The following SYT1 variants were observed in gnomAD, a reference collection of about 807,000 sequenced individuals.
SYT1 encodes the protein synaptotagmin-1.
SYT1 carries 8 observed loss-of-function variants against 44.8 expected under a neutral mutation model. That is an observed-to-expected ratio of 0.18 (90% CI 0.10 to 0.32). The LOEUF (loss-of-function observed/expected upper bound fraction) is 0.32. Ranked by LOEUF, SYT1 falls within the 10% of genes least tolerant of loss-of-function variation. The pLI is 1.00. For missense variants in SYT1, 286 were observed against 509.3 expected, an observed-to-expected ratio of 0.56 and a Z score of 4.22; for synonymous variants, 154 against 188.8, an observed-to-expected ratio of 0.82 and a Z score of 1.51.
chr12:79,045,076 T>C (rs1219744226), intron 2 of SYT1, among the ~76,000 whole-genome samples: 1 of 152,032 alleles, frequency 6.6e-6, no homozygotes, highest in East Asian at 1.9e-4. Context: ...GTCTTTTTGT[T>C]TGTCTGTGCC....
rs1879615130 is a variant in SYT1, at chr12:79,292,062, G to A, written c.406G>A (p.Glu136Lys). Residue 136 changes from glutamate to lysine, a missense_variant, in exon 6 of 11, where the codon GAA becomes AAA. Physicochemically the swap from Glu to Lys is moderately conservative, Grantham distance 56. Coordinates refer to ENST00000261205, the MANE Select transcript of SYT1 (RefSeq NM_005639.3). ...ATTGACAGATGGAGAAGAAAAAGAA[G>A]AACCCAAAGAAGAGGAGAAACTGGG... ...TGLTDGEEKE[E>K]PKEEEKLGKL... The A allele has an allele frequency of 1.2e-6, 2 of 1,613,916 alleles. No individual in the cohort carries two copies. Among genetic ancestry groups the A allele is most frequent in the Non-Finnish European group, 1.7e-6 (2 of 1,180,004 alleles).
At chr12:79,146,628 A>C (rs1053697258) in intron 3 of SYT1, among the ~76,000 whole-genome samples, 4 of 152,174 alleles carry the variant, frequency 2.6e-5, no homozygotes, top group African/African-American at 4.8e-5. Flanking sequence ...AGACATTAAT[A>C]ATTAAACAAA....
At chr12:79,026,885 C>CA (rs74453652) in intron 2 of SYT1, among the ~76,000 whole-genome samples, 1 of 150,116 alleles carries the variant, frequency 6.7e-6, no homozygotes, top group Non-Finnish European at 1.5e-5. Flanking sequence ...ATGGCTACTA[C>CA]AAAAAAAGAT....
Position 79,360,613 on chromosome 12 carries a change from A to AGCAATAATAT in SYT1, c.928+6999_928+7008dup, listed in dbSNP as rs1164213099. 2.6e-5 allele frequency among the ~76,000 whole-genome samples: 4 copies of AGCAATAATAT among 152,230 alleles called. No homozygotes were observed. The South Asian group carries it at 8.3e-4, about 32-fold the overall frequency. On this transcript the variant is annotated intron_variant, in intron 9 of 10. Coordinates refer to ENST00000261205, the MANE Select transcript of SYT1 (RefSeq NM_005639.3). ...TTAATTGGCCATGATATCAGGGTCA[A>AGCAATAATAT]GCAATAATATGCAAATAAACTGGCA...
At chr12:79,433,140 G>T (rs1869897135) in intron 9 of SYT1, among the ~76,000 whole-genome samples, 1 of 152,090 alleles carries the variant, frequency 6.6e-6, no homozygotes, top group Non-Finnish European at 1.5e-5. Flanking sequence ...ATTCTTAGAT[G>T]GCAGAATGTT....
At chr12:79,325,278 A>G (rs1479494987) in intron 8 of SYT1, among the ~76,000 whole-genome samples, 1 of 152,180 alleles carries the variant, frequency 6.6e-6, no homozygotes, top group East Asian at 1.9e-4. Flanking sequence ...AGTTCCTGGT[A>G]TTTACAGTGT....
intron 2 of SYT1, among the ~76,000 whole-genome samples, chr12:78,979,018 C>T (rs550894698): frequency 3.3e-5 from 5 of 152,260 alleles, no homozygotes; most frequent in African/African-American, 1.2e-4. Context: ...CTATCTCTTG[C>T]AGTAAGATAC....
intron 8 of SYT1, among the ~76,000 whole-genome samples, chr12:79,309,514 T>C (rs533642841): frequency 6.6e-6 from 1 of 152,270 alleles, no homozygotes; most frequent in Admixed American, 6.5e-5. Context: ...AGAGTAAAGT[T>C]TGAGTTAAAA....
intron 3 of SYT1, among the ~76,000 whole-genome samples, chr12:79,153,423 C>T (rs560388166): frequency 2.8e-4 from 42 of 152,106 alleles, no homozygotes; most frequent in Non-Finnish European, 2.1e-4. Context: ...AAAGAAAAAT[C>T]GAGTTACAAT....
intron 3 of SYT1, among the ~76,000 whole-genome samples, chr12:79,151,820 A>T (rs1870290628): frequency 6.6e-6 from 1 of 152,162 alleles, no homozygotes. Flanking sequence ...CATTTGTCCC[A>T]AAAAGTACGA....
intron 2 of SYT1, among the ~76,000 whole-genome samples, chr12:79,003,097 G>A (rs1049601038): frequency 7.9e-5 from 12 of 152,080 alleles, no homozygotes; most frequent in African/African-American, 2.9e-4. Context: ...AGAATCTATA[G>A]GGAGAGTCAG....
chr12:79,153,929 TAC>T (rs1273655255), intron 3 of SYT1, among the ~76,000 whole-genome samples: 2 of 152,126 alleles, frequency 1.3e-5, no homozygotes, highest in Non-Finnish European at 1.5e-5. Context: ...GTCTCTATTT[TAC>T]AGTCAGAGAA....
At chr12:79,443,550 T>C (rs921083922) in intron 9 of SYT1, among the ~76,000 whole-genome samples, 1 of 152,210 alleles carries the variant, frequency 6.6e-6, no homozygotes, top group Non-Finnish European at 1.5e-5. Context: ...TAACAGTGCC[T>C]GTCACATCAT....
At chr12:79,366,697 A>G (rs761839391) in intron 9 of SYT1, among the ~76,000 whole-genome samples, 46 of 152,228 alleles carry the variant, frequency 3.0e-4, no homozygotes, top group Non-Finnish European at 5.6e-4. Flanking sequence ...GTTCATCTAT[A>G]AAACTAGGGT....
chr12:79,111,197 G>A (rs556434096), intron 3 of SYT1, among the ~76,000 whole-genome samples: 1 of 152,192 alleles, frequency 6.6e-6, no homozygotes, highest in African/African-American at 2.4e-5. Flanking sequence ...TAAAGCTGAG[G>A]TGGGGGGCAG....
At chr12:78,995,720 A>G (rs1870330952) in intron 2 of SYT1, 1 of 152,202 alleles carries the variant, frequency 6.6e-6, no homozygotes. Flanking sequence ...AAGGTAGATT[A>G]TGCTGGGAAA....
Position 79,290,368 on chromosome 12 carries a change from A to G in SYT1, c.352-1640A>G, listed in dbSNP as rs181621994. Among the ~76,000 whole-genome samples, 12 of 152,310 alleles carry G rather than the reference A, an allele frequency of 7.9e-5. No homozygotes were observed. The East Asian group carries it at 2.1e-3, about 27-fold the overall frequency. ...AGGACTGAGGGTGCCATTTTGAAGC[A>G]CCACTGAAGATCCCTGAGTAAGTGG... On this transcript the variant is annotated intron_variant, in intron 5 of 10. Transcript: ENST00000261205.
At chr12:78,997,040 A>T (rs1870425569) in intron 2 of SYT1, among the ~76,000 whole-genome samples, 1 of 152,218 alleles carries the variant, frequency 6.6e-6, no homozygotes, top group African/African-American at 2.4e-5. Context: ...AAATACAGGG[A>T]GGTCAGCAGC....
intron 1 of SYT1, among the ~76,000 whole-genome samples, chr12:78,923,334 C>T (rs752188380): frequency 6.6e-6 from 1 of 151,898 alleles, no homozygotes; most frequent in Non-Finnish European, 1.5e-5. Flanking sequence ...TATCAAAGCT[C>T]TTCAGTGTTT....
Sources: gnomAD v4.1 joint callset for allele counts (sites outside exome capture counted in the v4.1 genomes callset) on GRCh38, gnomAD v4.1.1 for gene constraint, MANE v1.5 for transcripts, NCBI Gene and HGNC (gene_info 2026-07-23, HGNC 2026-07-21) for gene names.